Variants in FAM83D observed in about 807,000 individuals in gnomAD.
The protein encoded by FAM83D is scaffolding CK1 anchoring protein D.
In FAM83D, 26 loss-of-function variants were observed where a neutral mutation model predicts 25.4. The ratio of observed to expected loss-of-function variants is 1.02; its 90% confidence interval spans 0.75 to 1.42. The LOEUF (loss-of-function observed/expected upper bound fraction) is 1.42, where lower values mean the gene tolerates loss of function less well. FAM83D is among the 40% of genes most tolerant of loss of function. The pLI is 0.00. For synonymous variants in FAM83D, 310 were observed against 318.5 expected (o/e 0.97, Z 0.28); for missense variants, 740 against 758.1 (o/e 0.98, Z 0.28).
At chr20:38,929,969 C>G (rs1270586563) in intron 1 of FAM83D, among the ~76,000 whole-genome samples, 1 of 152,154 alleles carries the variant, frequency 6.6e-6, no homozygotes, top group Admixed American at 6.5e-5. Context: ...AATTGAGGCA[C>G]AGAATGTCTG....
At chr20:38,929,771 C>T (rs1302437185) in intron 1 of FAM83D, among the ~76,000 whole-genome samples, 5 of 147,698 alleles carry the variant, frequency 3.4e-5, no homozygotes, top group Non-Finnish European at 7.4e-5. Context: ...CTGGGCAACA[C>T]GGGGAGACCC....
chr20:38,927,072 G>C, intron 1 of FAM83D, 147 bp downstream of exon 1: 1 of 1,336,354 alleles, frequency 7.5e-7, no homozygotes, highest in Non-Finnish European at 9.6e-7. Flanking sequence ...CAGGGTCTCC[G>C]ACTCACACCC....
chr20:38,934,974 A>G (rs1485471659), intron 1 of FAM83D, among the ~76,000 whole-genome samples: 1 of 152,218 alleles, frequency 6.6e-6, no homozygotes, highest in African/African-American at 2.4e-5. Flanking sequence ...CCTTTTACCT[A>G]TAGGGGGATA....
In FAM83D at chr20:38,926,943, G is replaced by A. The variant is rs1006406442; in HGVS notation, c.483+18G>A. 1.1e-4 allele frequency: 150 copies of A among 1,419,934 alleles called. No homozygotes were observed. The highest frequency in any genetic ancestry group is 1.3e-4 in the Non-Finnish European group (145 of 1,094,902). 88.0% of individuals were successfully genotyped at this position (1,419,934 alleles called of 1,614,324 possible). ...CGCGAGAGGTGAGCGGCCCTCCAGG[G>A]CCCTGGGTCGCACGGGAGACCCCCT... is the stretch of plus-strand genomic sequence containing the variant. On this transcript the variant is annotated intron_variant, in intron 1 of 3. Transcript: ENST00000619850.
chr20:38,947,963 TTGATTGATGGCATCCGCGTGGC>T lies in FAM83D; in HGVS notation c.740_761del (p.Leu247Ter). ...TGGGAAGGTTCACGAAAAGTTCACG[TTGATTGATGGCATCCGCGTGGC>T]AACAGGCTCCTACAGGTAAGTCTCT... On this transcript the variant is annotated frameshift_variant, in exon 3 of 4. Transcript: ENST00000619850. LOFTEE classifies it low-confidence loss of function (END_TRUNC). 6.2e-7 allele frequency: 1 copy of T among 1,614,226 alleles called. No homozygotes were observed. The highest frequency in any genetic ancestry group is 8.5e-7 in the Non-Finnish European group (1 of 1,180,036).
chr20:38,938,404 G>A (rs866060171), intron 1 of FAM83D, among the ~76,000 whole-genome samples: 17 of 152,256 alleles, frequency 1.1e-4, no homozygotes, highest in African/African-American at 3.9e-4. Context: ...ATTAGACTGC[G>A]TTCTTGAGGA....
At chr20:38,934,423 G>T (rs997982539) in intron 1 of FAM83D, among the ~76,000 whole-genome samples, 4 of 151,334 alleles carry the variant, frequency 2.6e-5, no homozygotes, top group African/African-American at 9.7e-5. Context: ...AACCTGGGAG[G>T]TGGAGGTTGT....
At chr20:38,935,460 T>G (rs2085674818) in intron 1 of FAM83D, among the ~76,000 whole-genome samples, 1 of 152,176 alleles carries the variant, frequency 6.6e-6, no homozygotes, top group Non-Finnish European at 1.5e-5. Flanking sequence ...TTTGTTTGTT[T>G]GAGACAAGTT....
In FAM83D at chr20:38,926,665, C is replaced by A; in HGVS notation, c.223C>A (p.Pro75Thr). The change falls in exon 1 of 4, where the codon CCG becomes ACG. Residue 75 changes from proline (P) to threonine (T), a missense_variant. Physicochemically the swap from Pro to Thr is conservative, Grantham distance 38. Transcript: ENST00000619850. ...VHAILRAAER[P>T]GEEGAAAAAA... ...CGCCATTCTGCGCGCGGCGGAGAGG[C>A]CGGGAGAGGAGGGCGCGGCGGCGGC... The A allele has an allele frequency of 6.5e-7, 1 of 1,532,012 alleles. No individual in the cohort carries two copies. Among genetic ancestry groups the A allele is most frequent in the East Asian group, 2.5e-5 (1 of 40,354 alleles). The allele number at this position is 1,532,012 out of a possible 1,614,324, so 94.9% of individuals were successfully genotyped here. A position where few individuals can be genotyped will look rare whatever the true frequency, so the allele number is the denominator to read the frequency against.
intron 2 of FAM83D, among the ~76,000 whole-genome samples, chr20:38,943,024 CTTT>C (rs112144207): frequency 7.1e-6 from 1 of 141,788 alleles, no homozygotes. Context: ...CTGCTCCATG[CTTT>C]TTTTTTTTTT....
At chr20:38,933,855 TC>T (rs1270824281) in intron 1 of FAM83D, among the ~76,000 whole-genome samples, 5 of 151,110 alleles carry the variant, frequency 3.3e-5, no homozygotes, top group African/African-American at 1.2e-4. Context: ...GTCTGCCATT[TC>T]TTTCTTTCTT....
At chr20:38,928,161 G>A (rs1443944141) in intron 1 of FAM83D, among the ~76,000 whole-genome samples, 1 of 152,218 alleles carries the variant, frequency 6.6e-6, no homozygotes, top group Admixed American at 6.5e-5. Flanking sequence ...CCAGCTCCCT[G>A]GCTATCTGCC....
intron 1 of FAM83D, among the ~76,000 whole-genome samples, chr20:38,931,552 C>T (rs1369716959): frequency 2.0e-5 from 3 of 152,202 alleles, no homozygotes; most frequent in South Asian, 2.1e-4. Flanking sequence ...CAGTAGAGCA[C>T]GGTCGAACCT....
At chr20:38,927,498 C>CTTTTTTT (rs1173092369) in intron 1 of FAM83D, among the ~76,000 whole-genome samples, 16 of 101,416 alleles carry the variant, frequency 1.6e-4, no homozygotes, top group South Asian at 3.7e-4. Context: ...TCTTTCTTGT[C>CTTTTTTT]TTTTTTTTTT....
intron 2 of FAM83D, among the ~76,000 whole-genome samples, chr20:38,946,747 C>T (rs1013367504): frequency 2.6e-5 from 4 of 152,174 alleles, no homozygotes; most frequent in African/African-American, 9.6e-5. Context: ...AAGATGTGCA[C>T]GTATCAACAG....
At position 38,952,172 on chromosome 20, in the gene FAM83D, G is replaced by A; in HGVS notation, c.1410G>A (p.Ser470=). 2 of 1,614,110 alleles carry A rather than the reference G, an allele frequency of 1.2e-6. No individual in the cohort carries two copies. The highest frequency in any genetic ancestry group is 1.7e-6 in the Non-Finnish European group (2 of 1,180,034). ...EGSPVSKMSV[S]RSSSLKSSSS... is the part of the protein sequence containing the mutation. ...CACCAGTCTCAAAAATGTCTGTATC[G>A]AGATCTTCCAGTTTGAAGTCTTCCT... is the stretch of plus-strand genomic sequence containing the variant. Residue 470 remains serine, a synonymous_variant, in exon 4 of 4, where the codon TCG becomes TCA. Coordinates refer to ENST00000619850, the MANE Select transcript of FAM83D (RefSeq NM_030919.3).
chr20:38,937,297 G>C (rs933606902), intron 1 of FAM83D, among the ~76,000 whole-genome samples: 3 of 152,230 alleles, frequency 2.0e-5, no homozygotes, highest in Admixed American at 6.5e-5. Context: ...GTGGGCACTT[G>C]ATGTGCAAGG....
intron 1 of FAM83D, among the ~76,000 whole-genome samples, chr20:38,936,356 C>G (rs753861181): frequency 7.2e-5 from 11 of 151,990 alleles, no homozygotes; most frequent in Non-Finnish European, 1.3e-4. Context: ...TTCCTTGTTT[C>G]AAGGACACCG....
At position 38,951,611 on chromosome 20, in the gene FAM83D, T is replaced by C. The variant is rs1469658338; in HGVS notation, c.849T>C (p.Phe283=). The change falls in exon 4 of 4, where the codon TTT becomes TTC. Residue 283 remains phenylalanine, a synonymous_variant. Transcript: ENST00000619850. ...TGTCTGGCCAAGTGGTTGAACACTTTGATCTGGAGTTCCGAATCCTGTATG... is the reference window on the plus strand; with the variant it reads ...TGTCTGGCCAAGTGGTTGAACACTTCGATCTGGAGTTCCGAATCCTGTATG... ...VILSGQVVEH[F]DLEFRILYAQ... is the part of the protein sequence containing the mutation. The C allele has an allele frequency of 1.2e-6, 2 of 1,614,108 alleles. No individual in the cohort carries two copies. The highest frequency in any genetic ancestry group is 1.7e-5 in the Admixed American group (1 of 60,004).
Sources: gnomAD v4.1 joint callset for allele counts (sites outside exome capture counted in the v4.1 genomes callset) on GRCh38, gnomAD v4.1.1 for gene constraint, MANE v1.5 for transcripts, NCBI Gene and HGNC (gene_info 2026-07-23, HGNC 2026-07-21) for gene names.